INTS7: variants seen among roughly 807,000 people sequenced by gnomAD.
The protein encoded by INTS7 is integrator complex subunit 7.
INTS7 carries 46 observed loss-of-function variants against 109.2 expected under a neutral mutation model. The ratio of observed to expected loss-of-function variants is 0.42; its 90% CI spans 0.33 to 0.54. The LOEUF is 0.54. Among genes scored for constraint, INTS7 ranks in the 20% least tolerant of loss-of-function variants. The pLI is 0.07. For synonymous variants in INTS7, 412 were observed against 402.9 expected (o/e 1.02, Z -0.27); for missense variants, 929 against 1,132.4 (o/e 0.82, Z 2.58).
chr1:211,963,259 A>AACATAC (rs1380918988), intron 16 of INTS7, among the ~76,000 whole-genome samples: 3 of 152,140 alleles, frequency 2.0e-5, no homozygotes, highest in Non-Finnish European at 2.9e-5. Context: ...TAAATTCCTG[A>AACATAC]ACATACACTC....
At chr1:212,015,887 CCTT>C (rs1666415479) in intron 4 of INTS7, among the ~76,000 whole-genome samples, 1 of 151,600 alleles carries the variant, frequency 6.6e-6, no homozygotes, top group Non-Finnish European at 1.5e-5. Context: ...TGATATATAT[CCTT>C]CTAGTCTTTT....
chr1:212,007,543 T>G (rs1665983911), intron 5 of INTS7, 94 bp from the exon 6 acceptor site: 2 of 829,210 alleles, frequency 2.4e-6, no homozygotes, highest in Non-Finnish European at 4.0e-6. Flanking sequence ...AAAATTGCAC[T>G]TGAAAAACAC....
chr1:212,031,651 C>G (rs966744915), intron 1 of INTS7, among the ~76,000 whole-genome samples: 1 of 152,164 alleles, frequency 6.6e-6, no homozygotes, highest in Non-Finnish European at 1.5e-5. Flanking sequence ...GCCAACATAG[C>G]CCCTAGTCTG....
intron 16 of INTS7, among the ~76,000 whole-genome samples, chr1:211,953,544 TC>T (rs1396853762): frequency 9.9e-6 from 1 of 101,018 alleles, no homozygotes; most frequent in East Asian, 3.6e-4. Context: ...ATGCTATCCC[TC>T]CCCCCTCCCC....
Position 212,034,324 on chromosome 1 carries a change from A to G in INTS7, c.94+1020T>C, listed in dbSNP as rs185906231. ...GAGAAACTCTTATTTAGACTAACCC[A>G]CTAAAAATATTCACAGTTTAAAAAA... On this transcript the variant is annotated intron_variant, in intron 1 of 19. Coordinates refer to ENST00000366994, the MANE Select transcript of INTS7 (RefSeq NM_015434.4). 5.3e-5 allele frequency among the ~76,000 whole-genome samples: 8 copies of G among 152,310 alleles called. No individual in the cohort carries two copies. The East Asian group carries it at 1.2e-3, about 22-fold the overall frequency.
At chr1:211,975,719 G>C (rs1664391283) in intron 12 of INTS7, among the ~76,000 whole-genome samples, 1 of 152,150 alleles carries the variant, frequency 6.6e-6, no homozygotes, top group Non-Finnish European at 1.5e-5. Flanking sequence ...TAGTGGGTGA[G>C]AGAAACCCCA....
At chr1:211,953,185 G>A (rs1381327112) in intron 16 of INTS7, among the ~76,000 whole-genome samples, 1 of 152,134 alleles carries the variant, frequency 6.6e-6, no homozygotes, top group Non-Finnish European at 1.5e-5. Flanking sequence ...GGAAAGTACA[G>A]GACATTCATA....
intron 13 of INTS7, among the ~76,000 whole-genome samples, chr1:211,973,192 C>T (rs1486482264): frequency 6.6e-6 from 1 of 152,180 alleles, no homozygotes; most frequent in Admixed American, 6.5e-5. Flanking sequence ...GTGATCCTCC[C>T]ATCTTGGTCG....
intron 4 of INTS7, among the ~76,000 whole-genome samples, chr1:212,013,648 C>T (rs1390045136): frequency 6.6e-6 from 1 of 152,194 alleles, no homozygotes; most frequent in African/African-American, 2.4e-5. Flanking sequence ...CTGCAAGCTC[C>T]ATTCATGGTA....
chr1:211,957,570 G>A (rs1038289080), intron 16 of INTS7, among the ~76,000 whole-genome samples: 1 of 152,066 alleles, frequency 6.6e-6, no homozygotes, highest in Non-Finnish European at 1.5e-5. Context: ...AAATCGGATT[G>A]TCGAGTTGTA....
chr1:212,033,268 G>A (rs1468870201), intron 1 of INTS7, among the ~76,000 whole-genome samples: 2 of 152,156 alleles, frequency 1.3e-5, no homozygotes, highest in African/African-American at 4.8e-5. Flanking sequence ...GGTACAAGAT[G>A]AAATGACTCA....
chr1:212,002,525 C>G (rs943609609), intron 7 of INTS7, among the ~76,000 whole-genome samples: 7 of 152,216 alleles, frequency 4.6e-5, no homozygotes, highest in African/African-American at 1.7e-4. Flanking sequence ...TACTAATCTC[C>G]TCTATTAACA....
intron 11 of INTS7, among the ~76,000 whole-genome samples, chr1:211,977,558 C>T (rs1452212875): frequency 6.6e-6 from 1 of 152,204 alleles, no homozygotes; most frequent in African/African-American, 2.4e-5. Flanking sequence ...GAGGATTAAA[C>T]ATAAAACAGG....
chr1:212,033,279 A>T (rs1362914258), intron 1 of INTS7, among the ~76,000 whole-genome samples: 1 of 152,248 alleles, frequency 6.6e-6, no homozygotes, highest in African/African-American at 2.4e-5. Context: ...AAATGACTCA[A>T]TATTTAAAAT....
Position 212,021,126 on chromosome 1 carries a change from T to C in INTS7, c.181A>G (p.Ile61Val). ...LFQKYPFPIL[I>V]NSAFLKLADV... ...GCTAACTTTAGGAATGCAGAATTGA[T>C]AAGAATAGGGAATGGATACTTCTGA... is the stretch of plus-strand genomic sequence containing the variant. The change falls in exon 2 of 20, where the codon ATC becomes GTC. Residue 61 changes from isoleucine (I) to valine (V), a missense_variant. Around this residue, in one of 2 missense-constraint regions of INTS7, gnomAD observed 142 missense variants for 231.4 expected, o/e 0.61. Coordinates refer to ENST00000366994, the MANE Select transcript of INTS7 (RefSeq NM_015434.4). The C allele has an allele frequency of 6.2e-7, 1 of 1,611,568 alleles. No homozygotes were observed. The highest frequency in any genetic ancestry group is 8.5e-7 in the Non-Finnish European group (1 of 1,178,610).
chr1:211,981,002 G>C (rs1044605138), intron 10 of INTS7, 91 bp downstream of exon 10: 14 of 612,390 alleles, frequency 2.3e-5, no homozygotes, highest in Non-Finnish European at 4.0e-5. Flanking sequence ...AAACTTCTAA[G>C]AGTACAGGAG....
chr1:211,997,421 A>G (rs1436155430), intron 7 of INTS7, among the ~76,000 whole-genome samples: 1 of 150,010 alleles, frequency 6.7e-6, no homozygotes, highest in Non-Finnish European at 1.5e-5. Context: ...CTGTAGTCCC[A>G]TCTACTCAGG....
intron 4 of INTS7, among the ~76,000 whole-genome samples, chr1:212,015,637 T>C (rs1571908711): frequency 1.4e-5 from 2 of 138,180 alleles, no homozygotes; most frequent in Non-Finnish European, 3.0e-5. Context: ...CTGCTGACCT[T>C]CCCTCCACTA....
At chr1:211,987,742 T>C (rs1664956026) in intron 8 of INTS7, 144 bp downstream of exon 8, 1 of 442,268 alleles carries the variant, frequency 2.3e-6, no homozygotes, top group Admixed American at 4.0e-5. Context: ...TAAGAAATCA[T>C]GTTCAAATAA....
Sources: gnomAD v4.1 joint callset for allele counts (sites outside exome capture counted in the v4.1 genomes callset) on GRCh38, gnomAD v4.1.1 for gene constraint, gnomAD v4.1.1 regional missense constraint, MANE v1.5 for transcripts, NCBI Gene and HGNC (gene_info 2026-07-23, HGNC 2026-07-21) for gene names.